BFSP2: variants seen among roughly 807,000 people sequenced by gnomAD.
BFSP2 encodes phakinin.
In BFSP2, 38 loss-of-function variants were observed where a neutral mutation model predicts 44.9. The ratio of observed to expected loss-of-function variants is 0.85; its 90% confidence interval spans 0.65 to 1.11. BFSP2 has a LOEUF of 1.11. Ranked by LOEUF, BFSP2 falls within the 50% of genes least tolerant of loss-of-function variation. BFSP2 has a pLI of 0.00. For synonymous variants in BFSP2, 197 were observed against 209.9 expected (o/e 0.94, Z 0.53); for missense variants, 525 against 533.0 (o/e 0.99, Z 0.15).
chr3:133,473,206 A>T (rs2074182920), intron 6 of BFSP2, among the ~76,000 whole-genome samples: 1 of 152,030 alleles, frequency 6.6e-6, no homozygotes. Context: ...CACAGACTAC[A>T]CTCTGAGTAG....
intron 1 of BFSP2, among the ~76,000 whole-genome samples, chr3:133,414,780 C>CTTTGCCCT (rs2073497102): frequency 6.6e-5 from 1 of 15,124 alleles, no homozygotes; most frequent in Non-Finnish European, 1.8e-4. Flanking sequence ...CTCTACTCAC[C>CTTTGCCCT]CTGCCACCCC....
At chr3:133,445,202 G>C (rs559420469) in intron 1 of BFSP2, among the ~76,000 whole-genome samples, 1 of 152,220 alleles carries the variant, frequency 6.6e-6, no homozygotes, top group African/African-American at 2.4e-5. Context: ...TTCTCAGACT[G>C]AGGGCTGGGA....
chr3:133,406,115 TA>T (rs2073402157), intron 1 of BFSP2, among the ~76,000 whole-genome samples: 1 of 105,778 alleles, frequency 9.5e-6, no homozygotes. Context: ...CATATCCAGC[TA>T]TTTTTTTTTT....
At chr3:133,448,756 G>A (rs772062548) in intron 3 of BFSP2, 111 bp downstream of exon 3, 5 of 1,407,086 alleles carry the variant, frequency 3.6e-6, no homozygotes, top group South Asian at 1.2e-5. Context: ...TCCACATTGC[G>A]TGCCCAGGAC....
intron 1 of BFSP2, among the ~76,000 whole-genome samples, chr3:133,441,593 C>A (rs1246998099): frequency 6.6e-6 from 1 of 152,038 alleles, no homozygotes; most frequent in Non-Finnish European, 1.5e-5. Flanking sequence ...CCTGGCTGTT[C>A]CCTGAGGGTA....
At chr3:133,450,627 T>C (rs576400037) in intron 4 of BFSP2, among the ~76,000 whole-genome samples, 163 bp downstream of exon 4, 7 of 152,232 alleles carry the variant, frequency 4.6e-5, no homozygotes, top group Non-Finnish European at 1.0e-4. Flanking sequence ...AGCTTTTTGT[T>C]TACCTATCTA....
chr3:133,439,144 T>C (rs1204635711), intron 1 of BFSP2, among the ~76,000 whole-genome samples: 3 of 152,250 alleles, frequency 2.0e-5, no homozygotes, highest in African/African-American at 7.2e-5. Context: ...GGGCTGACTG[T>C]GGCATAAGTG....
Position 133,475,057 on chromosome 3 carries a change from C to A in BFSP2, c.*85C>A. On this transcript the variant is annotated 3_prime_UTR_variant, in exon 7 of 7. Transcript: ENST00000302334. ...GTTGCTTGAGGAGCTTTCTCCTGAG[C>A]TCCAGTCCCTGCTGGATTCCCTGGT... 6.5e-7 allele frequency: 1 copy of A among 1,549,854 alleles called. No homozygotes were observed.
chr3:133,425,420 G>A (rs2073634026), intron 1 of BFSP2, among the ~76,000 whole-genome samples: 1 of 152,124 alleles, frequency 6.6e-6, no homozygotes, highest in African/African-American at 2.4e-5. Flanking sequence ...GGTTTGATAG[G>A]GCCCTCTCCC....
chr3:133,433,182 G>A (rs2073744950), intron 1 of BFSP2, among the ~76,000 whole-genome samples: 1 of 152,020 alleles, frequency 6.6e-6, no homozygotes, highest in African/African-American at 2.4e-5. Flanking sequence ...CCCCATGACT[G>A]TATCTCTCTG....
chr3:133,446,840 C>T (rs1020091814), intron 1 of BFSP2, among the ~76,000 whole-genome samples: 4 of 151,394 alleles, frequency 2.6e-5, no homozygotes, highest in African/African-American at 9.7e-5. Context: ...ACGGTAGCCA[C>T]GGGTGGCCAC....
intron 1 of BFSP2, among the ~76,000 whole-genome samples, chr3:133,411,901 A>T (rs750285256): frequency 2.6e-5 from 4 of 152,240 alleles, no homozygotes; most frequent in Non-Finnish European, 4.4e-5. Flanking sequence ...TTAACATATC[A>T]GCCCATCAAA....
At position 133,407,821 on chromosome 3, in the gene BFSP2, T is replaced by C. The variant is rs895733798; in HGVS notation, c.489+7249T>C. ...AATAAGTGATATTCAGACAACTAGATAGTCATAAGGAAAATAATAAAATTA... is the reference window on the plus strand; with the variant it reads ...AATAAGTGATATTCAGACAACTAGACAGTCATAAGGAAAATAATAAAATTA... On this transcript the variant is annotated intron_variant, in intron 1 of 6. Coordinates refer to ENST00000302334, the MANE Select transcript of BFSP2 (RefSeq NM_003571.4). 3.3e-5 allele frequency among the ~76,000 whole-genome samples: 5 copies of C among 152,134 alleles called. No individual in the cohort carries two copies. In the East Asian group the frequency reaches 9.6e-4, roughly 29 times the overall value.
chr3:133,443,352 T>C (rs929209350), intron 1 of BFSP2, among the ~76,000 whole-genome samples: 1 of 152,056 alleles, frequency 6.6e-6, no homozygotes, highest in Non-Finnish European at 1.5e-5. Flanking sequence ...TCAGACCATT[T>C]AGTGATTAAA....
chr3:133,449,079 A>C (rs1401206741), intron 3 of BFSP2: 4 of 202,056 alleles, frequency 2.0e-5, no homozygotes, highest in African/African-American at 9.3e-5. Context: ...AGAACTGAAG[A>C]GGACCTCCAA....
chr3:133,401,015 AAT>A (rs2073358869), intron 1 of BFSP2, among the ~76,000 whole-genome samples: 1 of 152,218 alleles, frequency 6.6e-6, no homozygotes, highest in Non-Finnish European at 1.5e-5. Context: ...TATCCAATCA[AAT>A]ACCATTGGAT....
intron 4 of BFSP2, among the ~76,000 whole-genome samples, chr3:133,450,972 G>C (rs1384113732): frequency 6.6e-6 from 1 of 151,992 alleles, no homozygotes; most frequent in Non-Finnish European, 1.5e-5. Context: ...TTAGCCGGAC[G>C]CATTGGCAGG....
chr3:133,446,594 A>T (rs1431367455), intron 1 of BFSP2, among the ~76,000 whole-genome samples: 12 of 23,482 alleles, frequency 5.1e-4, no homozygotes, highest in African/African-American at 2.2e-3. Flanking sequence ...ATATATATAT[A>T]TATATATATA....
Position 133,400,195 on chromosome 3 carries a change from AG to A in BFSP2, c.113del (p.Ser38ThrfsTer10). On this transcript the variant is annotated frameshift_variant, in exon 1 of 7. Coordinates refer to ENST00000302334, the MANE Select transcript of BFSP2 (RefSeq NM_003571.4). LOFTEE classifies it high-confidence loss of function. The surrounding 1 kb of genome is among the most constrained non-coding windows in gnomAD (Gnocchi z 4.0). ...GCCACGGTCATCATCCTCCCTGGAG[AG>A]CCCCCCAGCCTCCAGGACCAATGCC... Reference protein sequence around the residue: ...RGPRSSSSLESPPASRTNAMS... With the variant: ...RGPRSSSSLEXPPASRTNAMS... The A allele has an allele frequency of 6.2e-7, 1 of 1,614,006 alleles. No homozygotes were observed.
Sources: gnomAD v4.1 joint callset for allele counts (sites outside exome capture counted in the v4.1 genomes callset) on GRCh38, gnomAD v4.1.1 for gene constraint, Gnocchi (gnomAD v3.1) non-coding constraint, MANE v1.5 for transcripts, NCBI Gene and HGNC (gene_info 2026-07-23, HGNC 2026-07-21) for gene names.